Variants in GPM6A observed in about 807,000 individuals in gnomAD.
GPM6A encodes glycoprotein M6A, also known as neuronal membrane glycoprotein M6-a.
Under a neutral mutation model 32.1 loss-of-function variants are expected in GPM6A, and 7 were observed. That is an observed-to-expected ratio of 0.22 (90% CI 0.12 to 0.41). The LOEUF (loss-of-function observed/expected upper bound fraction) is 0.41. Among genes scored for constraint, GPM6A ranks in the 10% least tolerant of loss-of-function variants. The pLI is 1.00. For missense variants in GPM6A, 235 were observed against 347.2 expected, an observed-to-expected ratio of 0.68 and a Z score of 2.57; for synonymous variants, 130 against 123.4, an observed-to-expected ratio of 1.05 and a Z score of -0.35.
intron 1 of GPM6A, among the ~76,000 whole-genome samples, chr4:175,831,715 C>CTTTT (rs780096379): frequency 0.72 from 50,645 of 69,968 alleles, 19,949 homozygotes; most frequent in Non-Finnish European, 0.82. Flanking sequence ...TTAGCCATCT[C>CTTTT]TTTTTTTTTT....
intron 1 of GPM6A, among the ~76,000 whole-genome samples, chr4:175,721,403 G>C (rs900655877): frequency 6.6e-6 from 1 of 151,600 alleles, no homozygotes; most frequent in African/African-American, 2.4e-5. Context: ...TTGAACCCAG[G>C]AGGCAGAGGT....
At chr4:175,926,412 A>G (rs932411638) in intron 1 of GPM6A, among the ~76,000 whole-genome samples, 14 of 152,186 alleles carry the variant, frequency 9.2e-5, no homozygotes, top group African/African-American at 3.4e-4. Flanking sequence ...ATTTAGAAAT[A>G]TATTGGATTG....
chr4:175,823,933 G>C (rs1205093358), intron 1 of GPM6A, among the ~76,000 whole-genome samples: 3 of 152,128 alleles, frequency 2.0e-5, no homozygotes, highest in African/African-American at 7.2e-5. Context: ...CAAGGTGAAA[G>C]GCCCTTCCTT....
intron 1 of GPM6A, among the ~76,000 whole-genome samples, chr4:175,925,811 T>C (rs1032710336): frequency 1.3e-5 from 2 of 151,948 alleles, no homozygotes; most frequent in East Asian, 1.9e-4. Flanking sequence ...TGTATGTGTA[T>C]GTATTTATAC....
At position 175,633,657 on chromosome 4, in the gene GPM6A, TCCA is replaced by T. The variant is rs1740422774; in HGVS notation, c.*1245_*1247del. The T allele has an allele frequency of 1.3e-5, 2 of 152,522 alleles. No homozygotes were observed. Among genetic ancestry groups the T allele is most frequent in the Non-Finnish European group, 2.9e-5 (2 of 67,954 alleles). The allele number at this position is 152,522 out of a possible 1,614,324, so 9.4% of individuals were successfully genotyped here. The stretch of plus-strand genomic sequence containing the variant: ...AGGTGAAAACAAACACCAAATTTGG[TCCA>T]ATAATACTGATTGCTCTTTGTTAAA... On this transcript the variant is annotated 3_prime_UTR_variant, in exon 7 of 7. Transcript: ENST00000393658.
At chr4:175,898,890 T>C (rs1737872065) in intron 1 of GPM6A, among the ~76,000 whole-genome samples, 2 of 152,216 alleles carry the variant, frequency 1.3e-5, no homozygotes. Flanking sequence ...TTACTCATTC[T>C]TCAACACCAT....
At chr4:175,939,860 A>G (rs1241684224) in intron 1 of GPM6A, among the ~76,000 whole-genome samples, 1 of 152,164 alleles carries the variant, frequency 6.6e-6, no homozygotes, top group Middle Eastern at 3.2e-3. Flanking sequence ...TAAGCAAAAA[A>G]AAAAACCTGA....
At chr4:175,993,534 T>C (rs1369535710) in intron 1 of GPM6A, among the ~76,000 whole-genome samples, 1 of 152,172 alleles carries the variant, frequency 6.6e-6, no homozygotes, top group African/African-American at 2.4e-5. Flanking sequence ...AACTGTTTTC[T>C]ATACCCTGTT....
intron 4 of GPM6A, among the ~76,000 whole-genome samples, chr4:175,650,017 G>A (rs186353112): frequency 2.6e-5 from 4 of 152,238 alleles, no homozygotes; most frequent in Non-Finnish European, 4.4e-5. Flanking sequence ...CTAAGCAGCT[G>A]TTCTGCAGTG....
chr4:175,816,275 A>T (rs2111340872), upstream of GPM6A, among the ~76,000 whole-genome samples: 1 of 152,286 alleles, frequency 6.6e-6, no homozygotes, highest in South Asian at 2.1e-4. Flanking sequence ...TCCCTTTCAA[A>T]TACTGTCTAA....
chr4:175,642,669 TG>T (rs1467892848), intron 4 of GPM6A, among the ~76,000 whole-genome samples: 1 of 152,124 alleles, frequency 6.6e-6, no homozygotes, highest in African/African-American at 2.4e-5. Context: ...CTCATATTTT[TG>T]TCTGTTGCCT....
chr4:175,705,553 T>C (rs2111075653), intron 1 of GPM6A, among the ~76,000 whole-genome samples: 1 of 152,272 alleles, frequency 6.6e-6, no homozygotes, highest in East Asian at 1.9e-4. Context: ...TTCAGTATTC[T>C]CTCCAGCTGC....
intron 1 of GPM6A, among the ~76,000 whole-genome samples, chr4:175,980,761 GT>G: frequency 6.6e-6 from 1 of 152,118 alleles, no homozygotes; most frequent in East Asian, 1.9e-4. Flanking sequence ...TTATGTACAG[GT>G]CACTTCTCAA....
intron 1 of GPM6A, chr4:175,790,284 C>G (rs903463249): frequency 6.6e-6 from 1 of 152,090 alleles, no homozygotes; most frequent in African/African-American, 2.4e-5. Context: ...CCAACCAACA[C>G]AGAGAATTCT....
At chr4:175,969,299 G>A (rs1740428155) in intron 1 of GPM6A, among the ~76,000 whole-genome samples, 1 of 152,288 alleles carries the variant, frequency 6.6e-6, no homozygotes, top group East Asian at 1.9e-4. Flanking sequence ...TCTTAGGGCA[G>A]TGAGACTATT....
At position 175,964,156 on chromosome 4, in the gene GPM6A, C is replaced by A. The variant is rs563416406; in HGVS notation, c.-23+38153G>T. ...AGGGGCAACAAGTAGAAAACAATAG[C>A]ACAGTAACAAACATGATAGATAATG... On this transcript the variant is annotated intron_variant, in intron 1 of 7. Transcript: ENST00000280187. Among the ~76,000 whole-genome samples the A allele has an allele frequency of 2.6e-5, 4 of 151,540 alleles. No individual in the cohort carries two copies. The East Asian group carries it at 7.8e-4, about 29-fold the overall frequency.
intron 1 of GPM6A, among the ~76,000 whole-genome samples, chr4:175,864,496 T>A (rs1296341221): frequency 6.6e-6 from 1 of 152,100 alleles, no homozygotes; most frequent in Non-Finnish European, 1.5e-5. Context: ...TTGAGTAGGG[T>A]TGTTTTTCTT....
At chr4:175,900,281 A>C (rs1368379688) in intron 1 of GPM6A, among the ~76,000 whole-genome samples, 1 of 150,340 alleles carries the variant, frequency 6.7e-6, no homozygotes, top group Non-Finnish European at 1.5e-5. Context: ...CTTAAAAAAA[A>C]AAAAAGAGAG....
chr4:175,637,002 ATATT>A (rs1284365043), intron 6 of GPM6A, among the ~76,000 whole-genome samples: 1 of 136,230 alleles, frequency 7.3e-6, no homozygotes, highest in East Asian at 2.1e-4. Context: ...GATAAAAAAT[ATATT>A]TATATAAAAA....
Sources: gnomAD v4.1 joint callset for allele counts (sites outside exome capture counted in the v4.1 genomes callset) on GRCh38, gnomAD v4.1.1 for gene constraint, MANE v1.5 for transcripts, NCBI Gene and HGNC (gene_info 2026-07-23, HGNC 2026-07-21) for gene names.